GSE1: variants seen among roughly 807,000 people sequenced by gnomAD.
GSE1 encodes the protein genetic suppressor element 1.
GSE1 carries 32 observed loss-of-function variants against 112.6 expected under a neutral mutation model. The observed-to-expected ratio is 0.28, with a 90% CI of 0.21 to 0.38. GSE1 has a LOEUF of 0.38. GSE1 is among the 10% of genes least tolerant of loss of function. The pLI is 1.00. For synonymous variants in GSE1, 1,115 were observed against 735.6 expected, an observed-to-expected ratio of 1.52 and a Z score of -8.35; for missense variants, 2,348 against 1,699.2, an observed-to-expected ratio of 1.38 and a Z score of -6.71.
chr16:85,248,833 G>A (rs923563764), intron 1 of GSE1, among the ~76,000 whole-genome samples: 5 of 152,230 alleles, frequency 3.3e-5, no homozygotes, highest in African/African-American at 7.2e-5. Context: ...GGTCCTGGGA[G>A]GTGTGGAGTC....
intron 1 of GSE1, among the ~76,000 whole-genome samples, chr16:85,173,267 ACACT>A (rs1289548664): frequency 3.3e-5 from 5 of 152,188 alleles, no homozygotes; most frequent in Admixed American, 6.5e-5. Flanking sequence ...AAGTCAGACA[ACACT>A]CAGTCAGTAG....
chr16:85,175,632 G>T (rs1347697391), intron 1 of GSE1, among the ~76,000 whole-genome samples: 1 of 152,224 alleles, frequency 6.6e-6, no homozygotes, highest in Non-Finnish European at 1.5e-5. Context: ...TCTGCCTGCT[G>T]CCTTTCTGCT....
At chr16:85,596,322 GGGA>G (rs2047225552) in intron 1 of GSE1, among the ~76,000 whole-genome samples, 1 of 152,152 alleles carries the variant, frequency 6.6e-6, no homozygotes, top group Non-Finnish European at 1.5e-5. Context: ...TAGTTCCCCG[GGGA>G]GGAGCAGTGT....
At chr16:85,636,401 C>T (rs1342351728) in intron 2 of GSE1, among the ~76,000 whole-genome samples, 1 of 152,212 alleles carries the variant, frequency 6.6e-6, no homozygotes, top group South Asian at 2.1e-4. Flanking sequence ...GTCGCCCCCA[C>T]CCGTTTTGAT....
chr16:85,323,724 G>T (rs2046165966), intron 1 of GSE1, among the ~76,000 whole-genome samples: 2 of 152,216 alleles, frequency 1.3e-5, no homozygotes, highest in African/African-American at 4.8e-5. Flanking sequence ...GCCCCAAGGG[G>T]GGCAACTGTG....
At chr16:85,358,836 C>T (rs2047007101) in intron 2 of GSE1, among the ~76,000 whole-genome samples, 1 of 152,300 alleles carries the variant, frequency 6.6e-6, no homozygotes, top group East Asian at 1.9e-4. Flanking sequence ...CCTGCTCTGC[C>T]GTTGCCTTGA....
At chr16:85,650,105 T>A (rs538681848) in intron 3 of GSE1, among the ~76,000 whole-genome samples, 174 of 152,288 alleles carry the variant, frequency 1.1e-3, no homozygotes, top group African/African-American at 4.1e-3. Context: ...TCTCGTAGTT[T>A]GACTAATCCT....
chr16:85,331,617 G>GTATATATGTGTATATGTGTATT (rs2046365388), intron 1 of GSE1, among the ~76,000 whole-genome samples: 1 of 80,504 alleles, frequency 1.2e-5, no homozygotes, highest in Non-Finnish European at 3.0e-5. Flanking sequence ...GTGTATATAT[G>GTATATATGTGTATATGTGTATT]TGTGTATATA....
chr16:85,410,327 G>GA (rs1281522053), intron 2 of GSE1, among the ~76,000 whole-genome samples: 1 of 39,212 alleles, frequency 2.6e-5, no homozygotes, highest in Non-Finnish European at 4.6e-5. Context: ...GTTACACTCA[G>GA]GCCCCCCTGG....
chr16:85,563,162 A>ATCCTCC lies in GSE1; in HGVS notation c.37+6817_37+6822dup, dbSNP rs199727526. The stretch of plus-strand genomic sequence containing the variant: ...GTGAGGGAATCAACATCCACATGGT[A>ATCCTCC]TCCTCCTCCTCCTCCTCCTCCTCTT... On this transcript the variant is annotated intron_variant, in intron 1 of 2. Transcript: ENST00000635906. Among the ~76,000 whole-genome samples, 192 of 148,652 alleles carry ATCCTCC rather than the reference A, an allele frequency of 1.3e-3. 1 individual carries two copies. The highest frequency in any genetic ancestry group is 3.3e-3 in the East Asian group (17 of 5,088).
At chr16:85,409,345 CCT>C (rs1408415239) in intron 2 of GSE1, among the ~76,000 whole-genome samples, 4 of 44,980 alleles carry the variant, frequency 8.9e-5, no homozygotes, top group Admixed American at 2.0e-4. Flanking sequence ...TCAGGGCCCC[CCT>C]GGATAATCCT....
chr16:85,403,007 A>G (rs2151675589), intron 2 of GSE1, among the ~76,000 whole-genome samples: 1 of 151,986 alleles, frequency 6.6e-6, no homozygotes, highest in South Asian at 2.1e-4. Context: ...GATCCAGCTT[A>G]GCCGGGCCTC....
intron 8 of GSE1, among the ~76,000 whole-genome samples, chr16:85,657,932 TTAATTACTAA>T (rs1358415537): frequency 2.6e-5 from 4 of 152,184 alleles, no homozygotes; most frequent in Non-Finnish European, 5.9e-5. Flanking sequence ...GGTAGAAGCT[TTAATTACTAA>T]TAATACCTGT....
At chr16:85,288,969 C>T (rs886569254) in intron 1 of GSE1, among the ~76,000 whole-genome samples, 11 of 152,136 alleles carry the variant, frequency 7.2e-5, no homozygotes, top group African/African-American at 2.7e-4. Flanking sequence ...GGGAGGTCAG[C>T]GAGAAAACAA....
intron 1 of GSE1, among the ~76,000 whole-genome samples, chr16:85,330,613 G>A (rs1264854386): frequency 6.6e-6 from 1 of 152,246 alleles, no homozygotes; most frequent in African/African-American, 2.4e-5. Context: ...TGCCTCTGCC[G>A]ATCCAGGAAG....
chr16:85,324,248 G>T (rs955500698), intron 1 of GSE1, among the ~76,000 whole-genome samples: 3 of 152,204 alleles, frequency 2.0e-5, no homozygotes, highest in African/African-American at 4.8e-5. Flanking sequence ...AGTGGCTCAC[G>T]CCTGTAATCC....
intron 3 of GSE1, among the ~76,000 whole-genome samples, 187 bp downstream of exon 3, chr16:85,648,938 G>A (rs941755904): frequency 2.6e-5 from 4 of 152,094 alleles, no homozygotes; most frequent in Admixed American, 1.3e-4. Flanking sequence ...GGCCCTGTGC[G>A]GGTGAGTACA....
intron 1 of GSE1, among the ~76,000 whole-genome samples, chr16:85,189,985 TG>T (rs947394391): frequency 6.6e-6 from 1 of 152,214 alleles, no homozygotes; most frequent in East Asian, 1.9e-4. Flanking sequence ...ACCAGTTTTT[TG>T]GGGGGCTTAA....
intron 1 of GSE1, among the ~76,000 whole-genome samples, chr16:85,299,736 T>A (rs1281066054): frequency 6.6e-6 from 1 of 152,146 alleles, no homozygotes; most frequent in East Asian, 1.9e-4. Context: ...AAGACCAGCC[T>A]GGGCAACATA....
Sources: gnomAD v4.1 joint callset for allele counts (sites outside exome capture counted in the v4.1 genomes callset) on GRCh38, gnomAD v4.1.1 for gene constraint, MANE v1.5 for transcripts, NCBI Gene and HGNC (gene_info 2026-07-23, HGNC 2026-07-21) for gene names.